SIX4: variants seen among roughly 807,000 people sequenced by gnomAD.
SIX4 encodes homeobox protein SIX4.
In SIX4, 23 loss-of-function variants were observed where a neutral mutation model predicts 51.5. That is an observed-to-expected ratio of 0.45 (90% CI 0.32 to 0.63). The LOEUF is 0.63. Ranked by LOEUF, SIX4 falls within the 30% of genes least tolerant of loss-of-function variation. The pLI, the probability that SIX4 is intolerant of heterozygous loss-of-function variation, is 0.04. For missense variants in SIX4, 867 were observed against 984.0 expected (o/e 0.88, Z 1.59); for synonymous variants, 413 against 417.3 (o/e 0.99, Z 0.13).
At chr14:60,723,073 T>C (rs1020752195) in intron 1 of SIX4, 139 bp downstream of exon 1, 2 of 1,338,796 alleles carry the variant, frequency 1.5e-6, no homozygotes, top group Admixed American at 3.6e-5. Flanking sequence ...GGGAGCGAGG[T>C]AGGGGGCGGG....
Position 60,714,206 on chromosome 14 carries a change from A to T in SIX4, c.1550-3T>A. ...GCTTGAGCTTACTGAGATATTACCT[A>T]AAAAAAATAAAGTACTGATTATCAC... On this transcript the variant is annotated splice_region_variant and splice_polypyrimidine_tract_variant and intron_variant, in intron 2 of 2. Transcript: ENST00000216513. The T allele has an allele frequency of 1.3e-6, 2 of 1,553,726 alleles. No individual in the cohort carries two copies. Among genetic ancestry groups the T allele is most frequent in the Non-Finnish European group, 8.6e-7 (1 of 1,159,294 alleles).
At chr14:60,721,971 G>A (rs571512154) in intron 1 of SIX4, among the ~76,000 whole-genome samples, 24 of 152,336 alleles carry the variant, frequency 1.6e-4, no homozygotes, top group Non-Finnish European at 5.9e-5. Flanking sequence ...GGCGAGGAAC[G>A]CCGGAGCCCG....
Position 60,724,086 on chromosome 14 carries a change from T to C in SIX4, c.-12A>G. 1.3e-6 allele frequency: 2 copies of C among 1,557,174 alleles called. No homozygotes were observed. Among genetic ancestry groups the C allele is most frequent in the Non-Finnish European group, 1.7e-6 (2 of 1,150,166 alleles). ...GAGGAAGAGGACATTTTTTGTTGTTTATTTTCCTCCCTCCCTCACTCCCTC... is the reference window on the plus strand; with the variant it reads ...GAGGAAGAGGACATTTTTTGTTGTTCATTTTCCTCCCTCCCTCACTCCCTC... On this transcript the variant is annotated 5_prime_UTR_variant, in exon 1 of 3. The change creates a new upstream start codon in the 5' untranslated region. Coordinates refer to ENST00000216513, the MANE Select transcript of SIX4 (RefSeq NM_017420.5).
rs1318312179 is a variant in SIX4 at position 60,720,263 on chromosome 14, A to G, written c.1046T>C (p.Leu349Pro). Residue 349 changes from leucine to proline, a missense_variant, in exon 2 of 3, where the codon CTG becomes CCG. Transcript: ENST00000216513. The surrounding 1 kb of genome is among the most constrained non-coding windows in gnomAD (Gnocchi z 5.5). ...TGCAGGTACCAAGCTTCCATTCAAC[A>G]GAACTCCAGAAGAGCTTAATGATAT... ...AKISLSSSGV[L>P]LNGSLVPAST... 1 of 1,614,252 alleles carries G rather than the reference A, an allele frequency of 6.2e-7. No homozygotes were observed. The highest frequency in any genetic ancestry group is 8.5e-7 in the Non-Finnish European group (1 of 1,180,052).
At position 60,714,193 on chromosome 14, in the gene SIX4, T is replaced by C. The variant is rs2140266668; in HGVS notation, c.1560A>G (p.Ser520=). 1 of 1,582,514 alleles carries C rather than the reference T, an allele frequency of 6.3e-7. No individual in the cohort carries two copies. Among genetic ancestry groups the C allele is most frequent in the Non-Finnish European group, 8.5e-7 (1 of 1,171,834 alleles). ...VSVAASQGNI[S]VSSSTSDGST... ...TTCCATCTGAAGTGCTTGAGCTTACTGAGATATTACCTAAAAAAAATAAAG... is the reference window on the plus strand; with the variant it reads ...TTCCATCTGAAGTGCTTGAGCTTACCGAGATATTACCTAAAAAAAATAAAG... Residue 520 remains serine, a synonymous_variant, in exon 3 of 3, where the codon TCA becomes TCG. Coordinates refer to ENST00000216513, the MANE Select transcript of SIX4 (RefSeq NM_017420.5).
In SIX4 at chr14:60,720,060, C is replaced by T. The variant is rs1446008267; in HGVS notation, c.1249G>A (p.Asp417Asn). 4 of 1,614,188 alleles carry T rather than the reference C, an allele frequency of 2.5e-6. No homozygotes were observed. Among genetic ancestry groups the T allele is most frequent in the Non-Finnish European group, 3.4e-6 (4 of 1,180,034 alleles). The change falls in exon 2 of 3, where the codon GAC (aspartate) becomes AAC (asparagine). Residue 417 changes from aspartate to asparagine, a missense_variant. Transcript: ENST00000216513. This position sits in a 1 kb window ranked among gnomAD's most constrained non-coding sequence, Gnocchi z 5.5. ...MTDILGSTSQ[D>N]VKEFKVLQSS... ...TGGAGGACTTTGAATTCCTTCACGT[C>T]CTGGGAAGTAGACCCCAGTATGTCA...
rs908681256 is a variant in SIX4 at position 60,723,303 on chromosome 14, T to C, written c.772A>G (p.Lys258Glu). The C allele has an allele frequency of 1.9e-6, 3 of 1,611,394 alleles. No homozygotes were observed. The highest frequency in any genetic ancestry group is 2.5e-6 in the Non-Finnish European group (3 of 1,179,506). Residue 258 changes from lysine (K) to glutamate (E), a missense_variant, in exon 1 of 3, where the codon AAG becomes GAG. Lys to Glu is a moderately conservative substitution (Grantham distance 56). Coordinates refer to ENST00000216513, the MANE Select transcript of SIX4 (RefSeq NM_017420.5). ...PSPAEKRHLAKITGLSLTQVS... is the reference protein window; with the variant it reads ...PSPAEKRHLAEITGLSLTQVS... The stretch of plus-strand genomic sequence containing the variant: ...TGGGTGAGGGAGAGGCCGGTGATCT[T>C]GGCCAGGTGCCGCTTCTCGGCGGGC...
rs1410972380 is a variant in SIX4 at position 60,723,462 on chromosome 14, C to A, written c.613G>T (p.Val205Leu). Residue 205 changes from valine (V) to leucine (L), a missense_variant, in exon 1 of 3, where the codon GTA becomes TTA. Val to Leu is a conservative substitution (Grantham distance 32). Transcript: ENST00000216513. ...TTCCTGCGCAGCCGGTACTTGTCTA[C>A]GGCTCCCAGCGGCCGGCCGCGGGCT... ...ERARGRPLGA[V>L]DKYRLRRKFP... The A allele has an allele frequency of 6.2e-7, 1 of 1,607,668 alleles. No homozygotes were observed. Among genetic ancestry groups the A allele is most frequent in the East Asian group, 2.2e-5 (1 of 44,774 alleles).
In SIX4 at chr14:60,710,849, T is replaced by C. The variant is rs566309571; in HGVS notation, c.*2558A>G. On this transcript the variant is annotated 3_prime_UTR_variant, in exon 3 of 3. Coordinates refer to ENST00000216513, the MANE Select transcript of SIX4 (RefSeq NM_017420.5). ...TATATTGTGTAGCTACCTGAAGTAA[T>C]TGTAGGGTTATAATTACATCATGGT... 6.6e-6 allele frequency: 1 copy of C among 152,648 alleles called. No individual in the cohort carries two copies. The highest frequency in any genetic ancestry group is 1.9e-4 in the East Asian group (1 of 5,184). 9.5% of individuals were successfully genotyped at this position (152,648 alleles called of 1,614,324 possible). A position where few individuals can be genotyped will look rare whatever the true frequency, so the allele number is the denominator to read the frequency against.
At position 60,722,290 on chromosome 14, in the gene SIX4, C is replaced by G. The variant is rs970579214; in HGVS notation, c.863+922G>C. The stretch of plus-strand genomic sequence containing the variant: ...GGTGGAAAATCCGGTATTTTTTTTA[C>G]CAGAGGGGGAAAGCAGTCTGCCAGG... On this transcript the variant is annotated intron_variant, in intron 1 of 2. Coordinates refer to ENST00000216513, the MANE Select transcript of SIX4 (RefSeq NM_017420.5). The surrounding 1 kb of genome is among the most constrained non-coding windows in gnomAD (Gnocchi z 5.9). Among the ~76,000 whole-genome samples, 1 of 152,076 alleles carries G rather than the reference C, an allele frequency of 6.6e-6. No individual in the cohort carries two copies. Among genetic ancestry groups the G allele is most frequent in the Admixed American group, 6.5e-5 (1 of 15,276 alleles).
chr14:60,722,388 C>G lies in SIX4; in HGVS notation c.863+824G>C, dbSNP rs1291783349. Among the ~76,000 whole-genome samples the G allele has an allele frequency of 6.6e-6, 1 of 152,136 alleles. No homozygotes were observed. Among genetic ancestry groups the G allele is most frequent in the Non-Finnish European group, 1.5e-5 (1 of 68,020 alleles). On this transcript the variant is annotated intron_variant, in intron 1 of 2. Transcript: ENST00000216513. This position sits in a 1 kb window ranked among gnomAD's most constrained non-coding sequence, Gnocchi z 5.9. ...GCCGCCCGCCGTAAGCCGGCCTGCC[C>G]CCCACCCATAACTACCGTACCAGGA...
rs1371363625 is a variant in SIX4 at position 60,723,478 on chromosome 14, G to C, written c.597C>G (p.Gly199=). The change falls in exon 1 of 3, where the codon GGC becomes GGG. Residue 199 remains glycine, a synonymous_variant. Transcript: ENST00000216513. The part of the protein sequence containing the change: ...ARYTEAERAR[G]RPLGAVDKYR... Reference sequence around the variant, plus strand: ...ACTTGTCTACGGCTCCCAGCGGCCGGCCGCGGGCTCGCTCGGCCTCGGTGT... The same window carrying C: ...ACTTGTCTACGGCTCCCAGCGGCCGCCCGCGGGCTCGCTCGGCCTCGGTGT... 1.9e-6 allele frequency: 3 copies of C among 1,607,024 alleles called. No homozygotes were observed. The highest frequency in any genetic ancestry group is 2.5e-6 in the Non-Finnish European group (3 of 1,179,578).
At position 60,713,289 on chromosome 14, in the gene SIX4, A is replaced by T; in HGVS notation, c.*118T>A. 1.0e-6 allele frequency: 1 copy of T among 984,302 alleles called. No homozygotes were observed. Among genetic ancestry groups the T allele is most frequent in the South Asian group, 1.7e-5 (1 of 58,714 alleles). 61.0% of individuals were successfully genotyped at this position (984,302 alleles called of 1,614,324 possible). A position where few individuals can be genotyped will look rare whatever the true frequency, so the allele number is the denominator to read the frequency against. On this transcript the variant is annotated 3_prime_UTR_variant, in exon 3 of 3. Coordinates refer to ENST00000216513, the MANE Select transcript of SIX4 (RefSeq NM_017420.5). ...TGCAGATCAATCTAAAGTCTCTTGT[A>T]TGCATATACTTGCAAAACTAGAGTG...
rs911527608 is a variant in SIX4, at chr14:60,722,881, G to T, written c.863+331C>A. Among the ~76,000 whole-genome samples the T allele has an allele frequency of 2.0e-5, 3 of 151,624 alleles. No individual in the cohort carries two copies. Among genetic ancestry groups the T allele is most frequent in the African/African-American group, 7.3e-5 (3 of 41,330 alleles). The stretch of plus-strand genomic sequence containing the variant: ...TCGTTAGCCCCTCCAGAAACGGGGA[G>T]AGGGTGGCAACTTCAAAGCCAGCGG... On this transcript the variant is annotated intron_variant, in intron 1 of 2. Coordinates refer to ENST00000216513, the MANE Select transcript of SIX4 (RefSeq NM_017420.5). This position sits in a 1 kb window ranked among gnomAD's most constrained non-coding sequence, Gnocchi z 5.9.
chr14:60,715,848 C>T (rs551755953), intron 2 of SIX4, among the ~76,000 whole-genome samples: 3 of 151,862 alleles, frequency 2.0e-5, no homozygotes, highest in Admixed American at 6.6e-5. Flanking sequence ...GGCTGTTTAT[C>T]CTCATCTTGA....
Position 60,712,052 on chromosome 14 carries a change from A to G in SIX4, c.*1355T>C, listed in dbSNP as rs887835720. ...TAAAGAAGACATGATAATATAGTGC[A>G]AACAACAGTCATGTGTCAGAGTGTA... On this transcript the variant is annotated 3_prime_UTR_variant, in exon 3 of 3. Transcript: ENST00000216513. 6.6e-6 allele frequency: 1 copy of G among 152,666 alleles called. No individual in the cohort carries two copies. The highest frequency in any genetic ancestry group is 2.4e-5 in the African/African-American group (1 of 41,460). The allele number at this position is 152,666 out of a possible 1,614,324, so 9.5% of individuals were successfully genotyped here. A position where few individuals can be genotyped will look rare whatever the true frequency, so the allele number is the denominator to read the frequency against.
Position 60,713,310 on chromosome 14 carries a change from G to C in SIX4, c.*97C>G. 1 of 1,315,636 alleles carries C rather than the reference G, an allele frequency of 7.6e-7. No homozygotes were observed. The highest frequency in any genetic ancestry group is 1.0e-6 in the Non-Finnish European group (1 of 966,186). 81.5% of individuals were successfully genotyped at this position (1,315,636 alleles called of 1,614,324 possible). On this transcript the variant is annotated 3_prime_UTR_variant, in exon 3 of 3. Coordinates refer to ENST00000216513, the MANE Select transcript of SIX4 (RefSeq NM_017420.5). ...TTGTATGCATATACTTGCAAAACTA[G>C]AGTGTTTTCCTTTAAATGGGAAAAT...
chr14:60,720,403 CT>C lies in SIX4; in HGVS notation c.905del (p.Lys302ArgfsTer42). 6.2e-7 allele frequency: 1 copy of C among 1,614,034 alleles called. No homozygotes were observed. The highest frequency in any genetic ancestry group is 8.5e-7 in the Non-Finnish European group (1 of 1,179,984). ...GNPSTEDESS[K>X]GHEDLSPHPL... is the part of the protein sequence containing the mutation. ...GGTGAGGAGATAAATCCTCATGTCC[CT>C]TGCTGGATTCATCTTCAGTGCTGGG... is the stretch of plus-strand genomic sequence containing the variant. On this transcript the variant is annotated frameshift_variant, in exon 2 of 3. Transcript: ENST00000216513. LOFTEE classifies it high-confidence loss of function. This position sits in a 1 kb window ranked among gnomAD's most constrained non-coding sequence, Gnocchi z 5.5.
Position 60,719,724 on chromosome 14 carries a change from T to C in SIX4, c.1549+36A>G. 6.3e-7 allele frequency: 1 copy of C among 1,589,892 alleles called. No individual in the cohort carries two copies. Among genetic ancestry groups the C allele is most frequent in the Non-Finnish European group, 8.6e-7 (1 of 1,163,928 alleles). On this transcript the variant is annotated intron_variant, in intron 2 of 2. Transcript: ENST00000216513. This position sits in a 1 kb window ranked among gnomAD's most constrained non-coding sequence, Gnocchi z 4.9. ...CACTTACAGCAGCTGATGAACACAT[T>C]TGCTGGTGCATTAAGGTACCAAATG...
Sources: gnomAD v4.1 joint callset for allele counts (sites outside exome capture counted in the v4.1 genomes callset) on GRCh38, gnomAD v4.1.1 for gene constraint, Gnocchi (gnomAD v3.1) non-coding constraint, MANE v1.5 for transcripts, NCBI Gene and HGNC (gene_info 2026-07-23, HGNC 2026-07-21) for gene names.